The following RAB30 variants were observed in gnomAD, a reference collection of about 807,000 sequenced individuals.
The protein encoded by RAB30 is ras-related protein Rab-30.
RAB30 carries 9 observed loss-of-function variants against 25.1 expected under a neutral mutation model. That is an observed-to-expected ratio of 0.36 (90% CI 0.22 to 0.63). The LOEUF is 0.63. Among genes scored for constraint, RAB30 ranks in the 20% least tolerant of loss-of-function variants. The probability of loss-of-function intolerance (pLI) is 0.69; values close to 1 mark genes in which losing one functional copy is unlikely to be tolerated. For synonymous variants in RAB30, 77 were observed against 86.4 expected, an observed-to-expected ratio of 0.89 and a Z score of 0.60; for missense variants, 140 against 243.5, an observed-to-expected ratio of 0.58 and a Z score of 2.83.
chr11:82,982,476 A>G lies in RAB30; in HGVS notation c.362-61T>C. The G allele has an allele frequency of 1.9e-6, 3 of 1,549,896 alleles. No homozygotes were observed. In the South Asian group the frequency reaches 3.5e-5, roughly 18 times the overall value. ...TTTGACTTTTTGCAGGCTGAGAAGC[A>G]TCAAAATTCAACTCCATATCTGAAG... On this transcript the variant is annotated intron_variant, in intron 4 of 4. Transcript: ENST00000527633.
intron 4 of RAB30, chr11:82,986,980 TACAA>T (rs984313694): frequency 2.0e-5 from 3 of 151,904 alleles, no homozygotes; most frequent in Non-Finnish European, 2.9e-5. Context: ...ACTTTTCCAC[TACAA>T]ACAGAGAAGT....
chr11:82,996,413 A>G (rs1421991378), intron 2 of RAB30, among the ~76,000 whole-genome samples: 1 of 152,228 alleles, frequency 6.6e-6, no homozygotes, highest in Non-Finnish European at 1.5e-5. Context: ...CCACAGCACC[A>G]GGTTATCCTA....
At chr11:83,014,678 GAAAGAAAGAAAGAA>G (rs1857389450) in intron 1 of RAB30, among the ~76,000 whole-genome samples, 1 of 141,914 alleles carries the variant, frequency 7.0e-6, no homozygotes. Context: ...AAGAAAGAAA[GAAAGAAAGAAAGAA>G]AGAGAAAGGA....
chr11:83,051,783 T>C (rs1215793723), intron 1 of RAB30, among the ~76,000 whole-genome samples: 1 of 152,146 alleles, frequency 6.6e-6, no homozygotes, highest in East Asian at 1.9e-4. Flanking sequence ...CCTACTAAGA[T>C]ACCCTCAGGA....
intron 1 of RAB30, among the ~76,000 whole-genome samples, chr11:83,018,051 A>C (rs1216724549): frequency 6.6e-6 from 1 of 152,216 alleles, no homozygotes; most frequent in Non-Finnish European, 1.5e-5. Flanking sequence ...CTGTAATCCC[A>C]GAACTTTGGG....
At chr11:82,997,149 A>C (rs1405554339) in intron 2 of RAB30, 75 bp downstream of exon 2, 3 of 1,263,448 alleles carry the variant, frequency 2.4e-6, no homozygotes, top group Middle Eastern at 1.9e-4. Context: ...CCATCTCGAC[A>C]GATTCCCCCA....
chr11:82,987,614 T>C lies in RAB30; in HGVS notation c.334A>G (p.Ser112Gly), dbSNP rs147083051. Residue 112 changes from serine (S) to glycine (G), a missense_variant, in exon 4 of 5, where the codon AGC becomes GGC. Ser to Gly is a moderately conservative substitution (Grantham distance 56). Transcript: ENST00000527633. ...ACTAACACAGTGATGACCTTGTTGCTGGCATATTGTTCTATCTCCCGCAGC... is the reference window on the plus strand; with the variant it reads ...ACTAACACAGTGATGACCTTGTTGCCGGCATATTGTTCTATCTCCCGCAGC... Reference protein sequence around the residue: ...EWLREIEQYASNKVITVLVGN... With the variant: ...EWLREIEQYAGNKVITVLVGN... The C allele has an allele frequency of 1.4e-4, 223 of 1,613,210 alleles. 2 individuals carry two copies. In the African/African-American group the frequency reaches 2.5e-3, roughly 18 times the overall value.
rs1856575229 is a variant in RAB30, at chr11:82,978,065, T to C, written c.*4100A>G. On this transcript the variant is annotated 3_prime_UTR_variant, in exon 5 of 5. Coordinates refer to ENST00000527633, the MANE Select transcript of RAB30 (RefSeq NM_001286060.2). ...TTAGTGTTTAACCATGCTGCTTAAA[T>C]GGAACACATTTTGTCTGAAGGATGA... is the stretch of plus-strand genomic sequence containing the variant. 1 of 152,220 alleles carries C rather than the reference T, an allele frequency of 6.6e-6. No individual in the cohort carries two copies. Among genetic ancestry groups the C allele is most frequent in the East Asian group, 1.9e-4 (1 of 5,206 alleles). 9.4% of individuals were successfully genotyped at this position (152,220 alleles called of 1,614,324 possible). A position where few individuals can be genotyped will look rare whatever the true frequency, so the allele number is the denominator to read the frequency against.
chr11:83,014,261 A>G (rs949898830), intron 1 of RAB30, among the ~76,000 whole-genome samples: 5 of 152,170 alleles, frequency 3.3e-5, no homozygotes, highest in Non-Finnish European at 7.4e-5. Context: ...AATAAGAAAG[A>G]GCCAGACCAG....
Position 83,065,224 on chromosome 11 carries a change from C to CA in RAB30, c.-9+6466dup, listed in dbSNP as rs776083472. Among the ~76,000 whole-genome samples, 1,446 of 148,818 alleles carry CA rather than the reference C, an allele frequency of 9.7e-3. 13 individuals carry two copies. The highest frequency in any genetic ancestry group is 0.016 in the Non-Finnish European group (1,064 of 66,964). On this transcript the variant is annotated intron_variant, in intron 1 of 4. Transcript: ENST00000527633. ...GCAACATAGTGACAGTTTGTCTCTA[C>CA]AAAAAAAAAATTTAATTTAGTCAGG...
chr11:83,015,757 G>T (rs1311843418), intron 1 of RAB30, among the ~76,000 whole-genome samples: 5 of 152,220 alleles, frequency 3.3e-5, no homozygotes, highest in Non-Finnish European at 7.3e-5. Context: ...AAAGCTCAGA[G>T]AGGTAGGAAG....
chr11:82,997,203 T>A (rs1305181244), intron 2 of RAB30, 21 bp downstream of exon 2: 1 of 1,578,494 alleles, frequency 6.3e-7, no homozygotes, highest in South Asian at 1.1e-5. Flanking sequence ...GGCTTACGAG[T>A]TCCCTTACGA....
At chr11:83,066,388 C>T (rs12146668) in intron 1 of RAB30, among the ~76,000 whole-genome samples, 33,110 of 152,104 alleles carry the variant, frequency 0.22, 4,281 homozygotes, top group Admixed American at 0.28. Flanking sequence ...TAATTCAAAA[C>T]TCTGAGACCC....
intron 1 of RAB30, among the ~76,000 whole-genome samples, chr11:83,040,376 G>A (rs527680619): frequency 4.3e-4 from 66 of 152,232 alleles, no homozygotes; most frequent in African/African-American, 1.3e-3. Context: ...ATCACCTGAT[G>A]AGGTCAGGAG....
At chr11:83,031,767 T>C (rs1010097264) in intron 1 of RAB30, among the ~76,000 whole-genome samples, 2 of 152,220 alleles carry the variant, frequency 1.3e-5, no homozygotes, top group Non-Finnish European at 1.5e-5. Context: ...CTTCAGGTGA[T>C]CCGCCTGCCT....
At position 82,980,285 on chromosome 11, in the gene RAB30, C is replaced by G. The variant is rs1474355509; in HGVS notation, c.*1880G>C. ...GACAGATTCTAAAAGAAAAACAAGTCAAACTTCTGGGATGCCTTTCTCTTT... is the reference window on the plus strand; with the variant it reads ...GACAGATTCTAAAAGAAAAACAAGTGAAACTTCTGGGATGCCTTTCTCTTT... On this transcript the variant is annotated 3_prime_UTR_variant, in exon 5 of 5. Coordinates refer to ENST00000527633, the MANE Select transcript of RAB30 (RefSeq NM_001286060.2). 2 of 152,148 alleles carry G rather than the reference C, an allele frequency of 1.3e-5. No individual in the cohort carries two copies. The highest frequency in any genetic ancestry group is 4.8e-5 in the African/African-American group (2 of 41,428). 9.4% of individuals were successfully genotyped at this position (152,148 alleles called of 1,614,324 possible).
chr11:83,036,700 T>C (rs1857995260), intron 1 of RAB30, among the ~76,000 whole-genome samples: 1 of 152,146 alleles, frequency 6.6e-6, no homozygotes, highest in Non-Finnish European at 1.5e-5. Context: ...CTCAGAGGAC[T>C]GATGGGATCA....
rs1856631771 is a variant in RAB30, at chr11:82,981,204, C to T, written c.*961G>A. The T allele has an allele frequency of 6.6e-6, 1 of 152,212 alleles. No homozygotes were observed. Among genetic ancestry groups the T allele is most frequent in the African/African-American group, 2.4e-5 (1 of 41,456 alleles). The allele number at this position is 152,212 out of a possible 1,614,324, so 9.4% of individuals were successfully genotyped here. ...GTCCATTAATCCACAGTATTTTGGTCATATCTGGTCTGTTTCCTCATACTA... is the reference window on the plus strand; with the variant it reads ...GTCCATTAATCCACAGTATTTTGGTTATATCTGGTCTGTTTCCTCATACTA... On this transcript the variant is annotated 3_prime_UTR_variant, in exon 5 of 5. Transcript: ENST00000527633.
chr11:83,058,437 C>A (rs1172744301), intron 1 of RAB30, among the ~76,000 whole-genome samples: 1 of 152,130 alleles, frequency 6.6e-6, no homozygotes, highest in Non-Finnish European at 1.5e-5. Context: ...TAGAACCATT[C>A]CTCAGTCTTT....
Sources: gnomAD v4.1 joint callset for allele counts (sites outside exome capture counted in the v4.1 genomes callset) on GRCh38, gnomAD v4.1.1 for gene constraint, MANE v1.5 for transcripts, NCBI Gene and HGNC (gene_info 2026-07-23, HGNC 2026-07-21) for gene names.